The following DLEU7 variants were observed in gnomAD, a reference collection of about 807,000 sequenced individuals.
DLEU7 encodes the protein leukemia-associated protein 7.
In DLEU7, 17 loss-of-function variants were observed where a neutral mutation model predicts 16.0. The observed-to-expected ratio is 1.06, with a 90% CI of 0.73 to 1.59. The LOEUF is 1.59. Ranked by LOEUF, DLEU7 falls within the 40% of genes most tolerant of loss-of-function variation. The pLI is 0.00. For missense variants in DLEU7, 308 were observed against 314.9 expected (o/e 0.98, Z 0.17); for synonymous variants, 113 against 139.8 (o/e 0.81, Z 1.35).
chr13:50,735,017 C>T (rs940617751), intron 1 of DLEU7, among the ~76,000 whole-genome samples: 20 of 151,898 alleles, frequency 1.3e-4, no homozygotes, highest in African/African-American at 2.4e-4. Context: ...TAACATCAGG[C>T]GAAGTAGACC....
At chr13:50,715,908 C>G (rs1172031848) in intron 1 of DLEU7, among the ~76,000 whole-genome samples, 1 of 152,232 alleles carries the variant, frequency 6.6e-6, no homozygotes, top group Non-Finnish European at 1.5e-5. Context: ...CTGTCATGCC[C>G]TGGCACACCT....
At chr13:50,821,638 T>A (rs955599565), downstream of DLEU7, among the ~76,000 whole-genome samples, 8 of 151,956 alleles carry the variant, frequency 5.3e-5, no homozygotes, top group Non-Finnish European at 1.2e-4. Flanking sequence ...ATGAATAGGA[T>A]TTTTGTCAGC....
intron 1 of DLEU7, among the ~76,000 whole-genome samples, chr13:50,782,750 C>T (rs932446763): frequency 6.7e-6 from 1 of 149,972 alleles, no homozygotes; most frequent in Non-Finnish European, 1.5e-5. Context: ...TGTGAATTCC[C>T]ACCCATCATA....
At position 50,745,003 on chromosome 13, in the gene DLEU7, T is replaced by C. The variant is rs1002673474; in HGVS notation, c.460-31763A>G. Among the ~76,000 whole-genome samples, 15 of 152,220 alleles carry C rather than the reference T, an allele frequency of 9.9e-5. No homozygotes were observed. The South Asian group carries it at 2.9e-3, about 29-fold the overall frequency. On this transcript the variant is annotated intron_variant, in intron 1 of 1. Transcript: ENST00000400393. ...ATGGTGCAGCCATTATGGAAAACAATGTGGTGGTTCCTCAAAAAAGGCAAA... is the reference window on the plus strand; with the variant it reads ...ATGGTGCAGCCATTATGGAAAACAACGTGGTGGTTCCTCAAAAAAGGCAAA...
At chr13:50,833,074 A>T (rs1877332468) in intron 1 of DLEU7, among the ~76,000 whole-genome samples, 1 of 152,218 alleles carries the variant, frequency 6.6e-6, no homozygotes, top group South Asian at 2.1e-4. Flanking sequence ...ATTTATGACA[A>T]ACCCACAGCC....
chr13:50,768,051 T>C (rs1875173686), intron 1 of DLEU7, among the ~76,000 whole-genome samples: 3 of 152,238 alleles, frequency 2.0e-5, no homozygotes, highest in Admixed American at 2.0e-4. Context: ...ACCCAAATAT[T>C]TACCACTTTT....
chr13:50,821,599 G>C (rs74078455), downstream of DLEU7, among the ~76,000 whole-genome samples: 1,769 of 152,212 alleles, frequency 0.012, 30 homozygotes, highest in African/African-American at 0.041. Context: ...GTTCATGGAG[G>C]GGGTGGTGGG....
intron 1 of DLEU7, among the ~76,000 whole-genome samples, chr13:50,764,892 G>GTTTTGTTTTCTTTTC (rs71693659): frequency 5.3e-5 from 8 of 152,018 alleles, no homozygotes; most frequent in East Asian, 1.9e-4. Flanking sequence ...GTTTTGTTTT[G>GTTTTGTTTTCTTTTC]TTTTGTTTGA....
chr13:50,782,185 G>A (rs1050648381), intron 1 of DLEU7, among the ~76,000 whole-genome samples: 3 of 152,060 alleles, frequency 2.0e-5, no homozygotes, highest in Admixed American at 6.6e-5. Context: ...CCTCACAAAG[G>A]GTCTGTAAGT....
intron 1 of DLEU7, among the ~76,000 whole-genome samples, chr13:50,736,598 CAA>C (rs1379619726): frequency 6.6e-6 from 1 of 151,382 alleles, no homozygotes; most frequent in Non-Finnish European, 1.5e-5. Context: ...TTTAGATTAC[CAA>C]AGAGGAATGA....
chr13:50,802,342 G>A (rs1199417854), intron 1 of DLEU7, among the ~76,000 whole-genome samples: 3 of 152,028 alleles, frequency 2.0e-5, no homozygotes, highest in Non-Finnish European at 4.4e-5. Context: ...CTCCCATTTG[G>A]TTCCACTAAA....
chr13:50,808,242 C>T (rs1196884740), intron 1 of DLEU7, among the ~76,000 whole-genome samples: 3 of 152,172 alleles, frequency 2.0e-5, no homozygotes, highest in Non-Finnish European at 4.4e-5. Context: ...GGGGCCATAA[C>T]ATTATCAATC....
chr13:50,836,767 T>C (rs1461779769), intron 1 of DLEU7, among the ~76,000 whole-genome samples: 1 of 152,134 alleles, frequency 6.6e-6, no homozygotes, highest in African/African-American at 2.4e-5. Context: ...TTAATAAACT[T>C]CTGCCTGGCC....
At chr13:50,744,485 G>A (rs1273654988) in intron 1 of DLEU7, among the ~76,000 whole-genome samples, 1 of 152,144 alleles carries the variant, frequency 6.6e-6, no homozygotes. Context: ...AGGTCTATTA[G>A]CAATTTCGCA....
intron 1 of DLEU7, among the ~76,000 whole-genome samples, chr13:50,782,580 G>A (rs1013363249): frequency 6.6e-6 from 1 of 151,968 alleles, no homozygotes; most frequent in Non-Finnish European, 1.5e-5. Context: ...GCTTTAATTT[G>A]CTTCCTCATT....
chr13:50,838,417 C>T (rs1176512099), intron 1 of DLEU7, among the ~76,000 whole-genome samples: 3 of 152,186 alleles, frequency 2.0e-5, no homozygotes, highest in Non-Finnish European at 4.4e-5. Context: ...TGAAGATAGA[C>T]AAAACTCAAT....
intron 1 of DLEU7, among the ~76,000 whole-genome samples, chr13:50,792,617 T>C (rs7320457): frequency 0.33 from 48,062 of 144,480 alleles, 7,903 homozygotes; most frequent in Middle Eastern, 0.41. Flanking sequence ...TTCCGGGAAC[T>C]GAACTTAATC....
intron 1 of DLEU7, among the ~76,000 whole-genome samples, chr13:50,745,180 T>A (rs1445257284): frequency 2.0e-5 from 3 of 152,172 alleles, no homozygotes; most frequent in Non-Finnish European, 4.4e-5. Context: ...TGTCCACAGA[T>A]GAATGAATAA....
At chr13:50,787,095 A>C (rs528526) in intron 1 of DLEU7, among the ~76,000 whole-genome samples, 69,008 of 152,004 alleles carry the variant, frequency 0.45, 16,066 homozygotes, top group Middle Eastern at 0.56. Context: ...CCTTCGTTTC[A>C]AGTTTTGGAT....
Sources: allele counts gnomAD v4.1 joint callset (sites outside exome capture counted in the v4.1 genomes callset), GRCh38; gene constraint gnomAD v4.1.1; transcripts MANE v1.5; gene names NCBI Gene and HGNC (gene_info 2026-07-23, HGNC 2026-07-21).